Variants in PDLIM2 observed in about 807,000 individuals in gnomAD.
PDLIM2 encodes PDZ and LIM domain protein 2.
A neutral mutation model predicts 54.1 loss-of-function variants in PDLIM2; 51 were observed. The observed-to-expected ratio is 0.94, with a 90% CI of 0.75 to 1.19. The LOEUF (loss-of-function observed/expected upper bound fraction) is 1.19, where lower values mean the gene tolerates loss of function less well. Ranked by LOEUF, PDLIM2 falls within the 50% of genes most tolerant of loss-of-function variation. PDLIM2 has a pLI of 0.00. For missense variants in PDLIM2, 912 were observed against 874.0 expected, an observed-to-expected ratio of 1.04 and a Z score of -0.55; for synonymous variants, 398 against 385.6, an observed-to-expected ratio of 1.03 and a Z score of -0.38.
intron 6 of PDLIM2, among the ~76,000 whole-genome samples, chr8:22,586,779 A>G (rs1800393723): frequency 1.3e-5 from 2 of 152,264 alleles, no homozygotes; most frequent in Admixed American, 1.3e-4. Context: ...CCCCCAGTCC[A>G]GGAAAATGAA....
chr8:22,581,291 C>G, intron 2 of PDLIM2, 88 bp from the exon 2 acceptor site: 9 of 1,504,542 alleles, frequency 6.0e-6, no homozygotes, highest in Non-Finnish European at 8.0e-6. Context: ...TGGGTCAAGC[C>G]AGCCTCTGTG....
exon 8 of PDLIM2, chr8:22,589,678 G>C: frequency 1.3e-6 from 2 of 1,576,124 alleles, no homozygotes; most frequent in Non-Finnish European, 1.7e-6. Flanking sequence ...CGAGGGACGG[G>C]CGGCCCCCCG....
At chr8:22,594,543 C>A (rs771652851), downstream of PDLIM2, 1 of 1,614,016 alleles carries the variant, frequency 6.2e-7, no homozygotes, top group South Asian at 1.1e-5. Context: ...GACGCTTGTG[C>A]TATGGAGGGA....
chr8:22,593,902 C>T (rs1800624261), exon 10 of PDLIM2: 15 of 1,544,154 alleles, frequency 9.7e-6, no homozygotes, highest in African/African-American at 1.4e-5. Context: ...CCTCAGCTCT[C>T]GGGCCTGAGC....
At chr8:22,582,789 C>T (rs1213482370) in intron 3 of PDLIM2, among the ~76,000 whole-genome samples, 1 of 151,912 alleles carries the variant, frequency 6.6e-6, no homozygotes, top group Non-Finnish European at 1.5e-5. Context: ...ACCACGTTGG[C>T]CAGGATGGTC....
At chr8:22,578,867 C>T in exon 1 of PDLIM2, 1 of 1,235,486 alleles carries the variant, frequency 8.1e-7, no homozygotes, top group Non-Finnish European at 1.0e-6. Flanking sequence ...GGGGCAGTCC[C>T]TGGACCGGCT....
At chr8:22,578,994 G>T in exon 1 of PDLIM2, 1 of 1,242,332 alleles carries the variant, frequency 8.0e-7, no homozygotes, top group Non-Finnish European at 1.0e-6. Context: ...CATCCCCCCG[G>T]CGGGCTCGGG....
intron 3 of PDLIM2, among the ~76,000 whole-genome samples, chr8:22,582,941 A>G (rs1170124700): frequency 8.4e-5 from 2 of 23,672 alleles, no homozygotes; most frequent in East Asian, 3.1e-3. Flanking sequence ...CCCGCCTCCT[A>G]CCCTCCCAGG....
rs1377388248 is a variant in PDLIM2 at position 22,591,528 on chromosome 8, ATGTC to A, written c.1514-16_1514-13del. On this transcript the variant is annotated intron_variant, in intron 8 of 9. Coordinates refer to ENST00000308354, the Ensembl canonical transcript of PDLIM2. Reference sequence around the variant, plus strand: ...GCTGTGGTTGGTGGGCTCTCACCACATGTCTGTCTGCCCTGCCCCCAGGTGGCAC... The same window carrying A: ...GCTGTGGTTGGTGGGCTCTCACCACATGTCTGCCCTGCCCCCAGGTGGCAC... 6.2e-7 allele frequency: 1 copy of A among 1,605,634 alleles called. No homozygotes were observed. Among genetic ancestry groups the A allele is most frequent in the Non-Finnish European group, 8.5e-7 (1 of 1,172,812 alleles).
intron 2 of PDLIM2, 86 bp downstream of exon 1, chr8:22,580,783 T>G: frequency 1.4e-6 from 2 of 1,407,356 alleles, no homozygotes; most frequent in Non-Finnish European, 2.0e-6. Flanking sequence ...GATGGCTTGC[T>G]TTTTCTGTTC....
chr8:22,583,857 A>G (rs1800286424), intron 3 of PDLIM2, among the ~76,000 whole-genome samples: 1 of 34,084 alleles, frequency 2.9e-5, no homozygotes, highest in Non-Finnish European at 7.2e-5. Context: ...CAAAATAGAA[A>G]AAAAAAAAAA....
rs1329422593 is a variant in PDLIM2 at position 22,578,832 on chromosome 8, C to T, written c.53C>T (p.Pro18Leu). 1.1e-5 allele frequency: 13 copies of T among 1,234,464 alleles called. No individual in the cohort carries two copies. The highest frequency in any genetic ancestry group is 1.3e-5 in the Non-Finnish European group (13 of 988,572). The allele number at this position is 1,234,464 out of a possible 1,614,324, so 76.5% of individuals were successfully genotyped here. ...TGGGAGAGCTTTATGGGGCTGCCCC[C>T]TCGATCGTCTGCGAAGTGGGGCGCG... The change falls in exon 1 of 10, where the codon CCT becomes CTT. Residue 18 changes from proline (P) to leucine (L), a missense_variant. Physicochemically the swap from Pro to Leu is moderately conservative, Grantham distance 98. Transcript: ENST00000308354.
chr8:22,579,157 G>A, exon 1 of PDLIM2: 1 of 1,333,228 alleles, frequency 7.5e-7, no homozygotes, highest in South Asian at 2.0e-5. Flanking sequence ...AGCGGGAGCG[G>A]TGGCGTCTCC....
chr8:22,582,198 G>A (rs1037094688), intron 3 of PDLIM2, among the ~76,000 whole-genome samples: 1 of 152,182 alleles, frequency 6.6e-6, no homozygotes, highest in Non-Finnish European at 1.5e-5. Context: ...CCCTCTGCAC[G>A]GGCCTAGAAC....
At chr8:22,579,765 C>A in intron 1 of PDLIM2, 1 of 438,298 alleles carries the variant, frequency 2.3e-6, no homozygotes, top group South Asian at 5.3e-5. Flanking sequence ...TGGCTCCTGG[C>A]TCCAGAGCTA....
chr8:22,583,353 A>G (rs1323600464), intron 3 of PDLIM2, among the ~76,000 whole-genome samples: 1 of 152,160 alleles, frequency 6.6e-6, no homozygotes, highest in Non-Finnish European at 1.5e-5. Context: ...CCTGGCCTCC[A>G]GTGGGCAGGG....
At chr8:22,595,961 GTT>G (rs74392767), downstream of PDLIM2, 13 of 143,966 alleles carry the variant, frequency 9.0e-5, no homozygotes, top group East Asian at 2.0e-4. Flanking sequence ...TAATTTTTAA[GTT>G]TTTTTTTTTT....
intron 3 of PDLIM2, among the ~76,000 whole-genome samples, chr8:22,583,951 G>A (rs1011570724): frequency 6.1e-5 from 9 of 147,586 alleles, no homozygotes; most frequent in African/African-American, 2.3e-4. Context: ...AGTTATGTAC[G>A]TTCTACTTTT....
At chr8:22,583,904 C>A (rs1315843965) in intron 3 of PDLIM2, among the ~76,000 whole-genome samples, 3 of 135,556 alleles carry the variant, frequency 2.2e-5, no homozygotes, top group Non-Finnish European at 3.1e-5. Context: ...AATGTGAGGA[C>A]TCTCTAATAA....
Sources: allele counts gnomAD v4.1 joint callset (sites outside exome capture counted in the v4.1 genomes callset), GRCh38; gene constraint gnomAD v4.1.1; transcripts MANE v1.5; gene names NCBI Gene and HGNC (gene_info 2026-07-23, HGNC 2026-07-21).